The following CDYL variants were observed in gnomAD, a reference collection of about 807,000 sequenced individuals.
CDYL encodes chromodomain Y like.
CDYL carries 8 observed loss-of-function variants against 47.3 expected under a neutral mutation model. That is an observed-to-expected ratio of 0.17 (90% confidence interval 0.10 to 0.31). The LOEUF is 0.31. Among genes scored for constraint, CDYL ranks in the 10% least tolerant of loss-of-function variants. The probability of loss-of-function intolerance (pLI) is 1.00; values close to 1 mark genes in which losing one functional copy is unlikely to be tolerated. For missense variants in CDYL, 471 were observed against 701.4 expected (o/e 0.67, Z 3.71); for synonymous variants, 266 against 265.0 (o/e 1.00, Z -0.04).
intron 1 of CDYL, among the ~76,000 whole-genome samples, chr6:4,809,751 G>A (rs1157610057): frequency 5.9e-5 from 5 of 84,674 alleles, no homozygotes; most frequent in South Asian, 5.1e-4. Flanking sequence ...AGTCCTTGGC[G>A]ATACTTTGTA....
At chr6:4,836,465 C>T (rs1354918576) in intron 1 of CDYL, among the ~76,000 whole-genome samples, 1 of 152,144 alleles carries the variant, frequency 6.6e-6, no homozygotes. Context: ...GAGACTTCGG[C>T]TTTCCTTCCT....
chr6:4,775,646 G>T (rs886086859), upstream of CDYL, among the ~76,000 whole-genome samples: 1 of 150,630 alleles, frequency 6.6e-6, no homozygotes, highest in Non-Finnish European at 1.5e-5. This position sits in a 1 kb window ranked among gnomAD's most constrained non-coding sequence, Gnocchi z 7.0. Context: ...CCTCCGCCGC[G>T]CCCGGCTCCC....
At chr6:4,821,735 C>T (rs999365660) in intron 1 of CDYL, among the ~76,000 whole-genome samples, 2 of 148,406 alleles carry the variant, frequency 1.3e-5, no homozygotes, top group Admixed American at 1.4e-4. Flanking sequence ...GACTGTATCT[C>T]GGGGGAAAAA....
intron 1 of CDYL, among the ~76,000 whole-genome samples, chr6:4,812,529 A>G (rs1345467355): frequency 6.6e-6 from 1 of 152,192 alleles, no homozygotes; most frequent in East Asian, 1.9e-4. Flanking sequence ...TCAGTGATCA[A>G]TTTACATAGT....
chr6:4,952,451 T>G, intron 6 of CDYL, 42 bp downstream of exon 6: 1 of 1,577,074 alleles, frequency 6.3e-7, no homozygotes, highest in East Asian at 2.3e-5. Flanking sequence ...TTTTAAAAAA[T>G]AGAAACTTTT....
At chr6:4,806,514 CT>C (rs1200116390) in intron 1 of CDYL, among the ~76,000 whole-genome samples, 1 of 152,242 alleles carries the variant, frequency 6.6e-6, no homozygotes, top group Non-Finnish European at 1.5e-5. Flanking sequence ...ACTCCTCCAA[CT>C]TCCTGAGTGT....
At chr6:4,947,824 G>A (rs995613349) in intron 5 of CDYL, among the ~76,000 whole-genome samples, 4 of 152,166 alleles carry the variant, frequency 2.6e-5, no homozygotes, top group African/African-American at 4.8e-5. Context: ...GTGGCCTCAC[G>A]GCGGTTCCCG....
Position 4,923,228 on chromosome 6 carries a change from C to A in CDYL, c.692-12287C>A, listed in dbSNP as rs916333683. Among the ~76,000 whole-genome samples the A allele has an allele frequency of 3.3e-5, 5 of 152,282 alleles. No individual in the cohort carries two copies. The East Asian group carries it at 9.6e-4, about 29-fold the overall frequency. On this transcript the variant is annotated intron_variant, in intron 2 of 6. Transcript: ENST00000397588. ...AACTGACCTTTGACTCTTCTCCCCC[C>A]ACCCACTACTTCCCAGCCTCTAGTA...
chr6:4,845,154 C>A (rs1029435186), intron 1 of CDYL, among the ~76,000 whole-genome samples: 3 of 152,172 alleles, frequency 2.0e-5, no homozygotes, highest in African/African-American at 4.8e-5. Flanking sequence ...TGCTTACTTG[C>A]AAACTTTGAT....
chr6:4,749,930 G>C (rs1239960984), intron 3 of CDYL, among the ~76,000 whole-genome samples: 1 of 152,182 alleles, frequency 6.6e-6, no homozygotes, highest in Non-Finnish European at 1.5e-5. Context: ...TCAGATGAGA[G>C]GGCAGATTTC....
chr6:4,846,445 A>G (rs1056525855), intron 1 of CDYL, among the ~76,000 whole-genome samples: 8 of 152,236 alleles, frequency 5.3e-5, no homozygotes, highest in African/African-American at 1.9e-4. Flanking sequence ...TTTACACTAT[A>G]CATGACAAAA....
intron 2 of CDYL, among the ~76,000 whole-genome samples, chr6:4,717,049 G>A (rs1757278448): frequency 6.6e-6 from 1 of 152,100 alleles, no homozygotes; most frequent in African/African-American, 2.4e-5. Flanking sequence ...GGCATTCAAG[G>A]GAAGCATGAG....
At chr6:4,764,293 T>C (rs1310058241) in intron 3 of CDYL, among the ~76,000 whole-genome samples, 2 of 152,126 alleles carry the variant, frequency 1.3e-5, no homozygotes, top group Non-Finnish European at 2.9e-5. Flanking sequence ...TTTTCATTTT[T>C]TGTTTTTTGT....
intron 2 of CDYL, among the ~76,000 whole-genome samples, chr6:4,727,014 A>G (rs1757526405): frequency 6.6e-6 from 1 of 152,108 alleles, no homozygotes; most frequent in Non-Finnish European, 1.5e-5. Context: ...TCTCTACCTT[A>G]CCCTAAGTGC....
intron 2 of CDYL, among the ~76,000 whole-genome samples, chr6:4,930,969 T>TA (rs1213288124): frequency 6.6e-6 from 1 of 152,010 alleles, no homozygotes; most frequent in Non-Finnish European, 1.5e-5. Context: ...AGGGGGGCGG[T>TA]TTTTTTCTGA....
chr6:4,737,636 A>C (rs1277487802), intron 3 of CDYL, among the ~76,000 whole-genome samples: 1 of 151,842 alleles, frequency 6.6e-6, no homozygotes, highest in Non-Finnish European at 1.5e-5. Flanking sequence ...AAAAAAAAAA[A>C]TAGCCTCAGC....
chr6:4,776,845 C>CG, intron 1 of CDYL, 38 bp downstream of exon 1: 1 of 790,252 alleles, frequency 1.3e-6, no homozygotes, highest in Non-Finnish European at 1.5e-6. Flanking sequence ...CGCCCCCCGC[C>CG]CGCCGCCCCT....
At chr6:4,767,179 A>G (rs759538397) in intron 3 of CDYL, among the ~76,000 whole-genome samples, 3 of 152,170 alleles carry the variant, frequency 2.0e-5, no homozygotes, top group Admixed American at 6.5e-5. Context: ...AAAAATAAAT[A>G]TGTCAATGCA....
chr6:4,861,307 T>A (rs1391590382), intron 1 of CDYL, among the ~76,000 whole-genome samples: 3 of 152,214 alleles, frequency 2.0e-5, no homozygotes, highest in Non-Finnish European at 4.4e-5. Flanking sequence ...TGGGCATAAG[T>A]TGTCTCAGGG....
Sources: allele counts gnomAD v4.1 joint callset (sites outside exome capture counted in the v4.1 genomes callset), GRCh38; gene constraint gnomAD v4.1.1; non-coding constraint Gnocchi (gnomAD v3.1); transcripts MANE v1.5; gene names NCBI Gene and HGNC (gene_info 2026-07-23, HGNC 2026-07-21).